RBFOX1: variants seen among roughly 807,000 people sequenced by gnomAD.
RBFOX1 encodes RNA binding protein fox-1 homolog 1.
A neutral mutation model predicts 57.7 loss-of-function variants in RBFOX1; 8 were observed. That is an observed-to-expected ratio of 0.14 (90% CI 0.08 to 0.25). The LOEUF (loss-of-function observed/expected upper bound fraction) is 0.25. Ranked by LOEUF, RBFOX1 falls within the 10% of genes least tolerant of loss-of-function variation. RBFOX1 has a pLI of 1.00. For synonymous variants in RBFOX1, 326 were observed against 222.4 expected (o/e 1.47, Z -4.15); for missense variants, 611 against 548.5 (o/e 1.11, Z -1.14).
chr16:5,899,621 G>T (rs947305142), intron 4 of RBFOX1, among the ~76,000 whole-genome samples: 1 of 152,116 alleles, frequency 6.6e-6, no homozygotes, highest in South Asian at 2.1e-4. Flanking sequence ...TTCTGATGTC[G>T]GGTACCTGAT....
chr16:6,303,063 T>A (rs9933112), intron 1 of RBFOX1, among the ~76,000 whole-genome samples: 4 of 152,148 alleles, frequency 2.6e-5, no homozygotes, highest in African/African-American at 9.7e-5. Flanking sequence ...TAAAGATAAC[T>A]GCACCAAGTT....
At chr16:6,745,871 C>T (rs918028070) in intron 3 of RBFOX1, among the ~76,000 whole-genome samples, 6 of 152,124 alleles carry the variant, frequency 3.9e-5, no homozygotes, top group Non-Finnish European at 4.4e-5. Flanking sequence ...ATCATCTGTG[C>T]ATAAAATTTT....
chr16:5,649,712 A>G (rs1361401108), intron 3 of RBFOX1, among the ~76,000 whole-genome samples: 26 of 152,148 alleles, frequency 1.7e-4, no homozygotes, highest in Non-Finnish European at 1.5e-5. Context: ...TACTGCATGA[A>G]TTTACATTTC....
chr16:6,386,653 C>G lies in RBFOX1; in HGVS notation c.-64+69596C>G, dbSNP rs541270553. On this transcript the variant is annotated intron_variant, in intron 2 of 15. Transcript: ENST00000550418. ...GCGTCCCAAAGAGAGAAAAGAAGTT[C>G]TTTTAGTATCTCCAGTTGTTAAAAT... Among the ~76,000 whole-genome samples the G allele has an allele frequency of 2.0e-5, 3 of 152,298 alleles. No individual in the cohort carries two copies. The South Asian group carries it at 6.2e-4, about 32-fold the overall frequency.
At chr16:6,948,508 A>ACTT (rs2080030861) in intron 3 of RBFOX1, among the ~76,000 whole-genome samples, 2 of 146,362 alleles carry the variant, frequency 1.4e-5, no homozygotes, top group Non-Finnish European at 3.0e-5. Context: ...TCAGCCTCCC[A>ACTT]AGTAGCTTGG....
intron 1 of RBFOX1, among the ~76,000 whole-genome samples, chr16:6,230,793 A>G (rs938152449): frequency 1.3e-5 from 2 of 152,236 alleles, no homozygotes; most frequent in Admixed American, 6.5e-5. Context: ...ATTTTTAGAT[A>G]TGGATACGCA....
chr16:7,671,645 G>T lies in RBFOX1; in HGVS notation c.931-5129G>T, dbSNP rs775149339. The T allele has an allele frequency of 1.3e-5, 20 of 1,547,442 alleles. No individual in the cohort carries two copies. In the African/African-American group the frequency reaches 2.7e-4, roughly 21 times the overall value. On this transcript the variant is annotated intron_variant, in intron 13 of 15. Transcript: ENST00000550418. ...GAGAAACTCATCACTATGATTGTGG[G>T]TTTGCTGTGAAATCCTTACTAACAA... is the stretch of plus-strand genomic sequence containing the variant.
chr16:6,589,895 A>T (rs1056454705), intron 2 of RBFOX1, among the ~76,000 whole-genome samples: 2 of 152,146 alleles, frequency 1.3e-5, no homozygotes, highest in African/African-American at 4.8e-5. Context: ...CTCAGCTATA[A>T]TTTTTACACA....
At chr16:5,823,387 C>A (rs866164871) in intron 3 of RBFOX1, among the ~76,000 whole-genome samples, 2 of 152,124 alleles carry the variant, frequency 1.3e-5, no homozygotes, top group African/African-American at 2.4e-5. Context: ...CTGGCAGAGT[C>A]GTAACCAAAT....
chr16:7,607,334 T>C lies in RBFOX1; in HGVS notation c.672T>C (p.Tyr224=), dbSNP rs1469431159. ...VVGAVYSPEF[Y]AGTVLLCQAN... ...GTGCAGTCTACAGTCCCGAATTCTA[T>C]GCAGGTACAGAGTTTCTCTTTGCAC... Residue 224 remains tyrosine (Y), a synonymous_variant, in exon 10 of 16, where the codon TAT becomes TAC. Transcript: ENST00000550418. The C allele has an allele frequency of 1.9e-6, 3 of 1,610,778 alleles. No homozygotes were observed. The highest frequency in any genetic ancestry group is 2.2e-5 in the East Asian group (1 of 44,754).
At chr16:7,297,579 A>T (rs966064125) in intron 4 of RBFOX1, among the ~76,000 whole-genome samples, 9 of 151,988 alleles carry the variant, frequency 5.9e-5, no homozygotes, top group African/African-American at 2.2e-4. Flanking sequence ...GAATATTGCA[A>T]CTCAGTAGTG....
intron 3 of RBFOX1, among the ~76,000 whole-genome samples, chr16:6,809,903 G>A (rs1372990218): frequency 6.6e-6 from 1 of 151,918 alleles, no homozygotes; most frequent in Non-Finnish European, 1.5e-5. Flanking sequence ...AGTTGCTTTT[G>A]TACAAATGAA....
intron 2 of RBFOX1, among the ~76,000 whole-genome samples, chr16:5,533,232 G>A (rs980636480): frequency 9.2e-5 from 14 of 152,104 alleles, no homozygotes; most frequent in African/African-American, 3.1e-4. Context: ...GAATTTGTGC[G>A]CCAAGGCAAT....
At chr16:7,506,557 C>T (rs1406132786) in intron 4 of RBFOX1, among the ~76,000 whole-genome samples, 1 of 151,908 alleles carries the variant, frequency 6.6e-6, no homozygotes, top group Non-Finnish European at 1.5e-5. Flanking sequence ...TCGTCATCAC[C>T]ATCACCATTA....
intron 4 of RBFOX1, among the ~76,000 whole-genome samples, chr16:5,909,284 G>T (rs375172230): frequency 6.6e-6 from 1 of 151,962 alleles, no homozygotes; most frequent in South Asian, 2.1e-4. Context: ...AGTAGAGACT[G>T]GGTTTCACTG....
chr16:7,556,131 T>C (rs2088374755), intron 5 of RBFOX1, among the ~76,000 whole-genome samples: 1 of 152,224 alleles, frequency 6.6e-6, no homozygotes, highest in African/African-American at 2.4e-5. Flanking sequence ...TTTCTAGATC[T>C]TGTGGCATCT....
intron 1 of RBFOX1, chr16:5,366,001 C>A: frequency 2.0e-6 from 1 of 499,698 alleles, no homozygotes; most frequent in Non-Finnish European, 4.0e-6. Context: ...AATTAGAAGG[C>A]AGTCCAATTA....
chr16:5,783,531 C>A (rs1224750823), intron 3 of RBFOX1, among the ~76,000 whole-genome samples: 9 of 152,306 alleles, frequency 5.9e-5, no homozygotes, highest in African/African-American at 1.7e-4. Context: ...GTTATCCAGA[C>A]ATCACGTCTG....
intron 3 of RBFOX1, among the ~76,000 whole-genome samples, chr16:5,716,168 G>C (rs1717517086): frequency 6.6e-6 from 1 of 152,202 alleles, no homozygotes; most frequent in African/African-American, 2.4e-5. Flanking sequence ...GCAGGTAGTA[G>C]TATCGGGCTC....
Sources: gnomAD v4.1 joint callset for allele counts (sites outside exome capture counted in the v4.1 genomes callset) on GRCh38, gnomAD v4.1.1 for gene constraint, MANE v1.5 for transcripts, NCBI Gene and HGNC (gene_info 2026-07-23, HGNC 2026-07-21) for gene names.